COLEC12: variants seen among roughly 807,000 people sequenced by gnomAD.
COLEC12 encodes collectin-12.
In COLEC12, 33 loss-of-function variants were observed where a neutral mutation model predicts 71.1. The observed-to-expected ratio is 0.46, with a 90% confidence interval of 0.35 to 0.62. COLEC12 has a LOEUF of 0.62. Ranked by LOEUF, COLEC12 falls within the 20% of genes least tolerant of loss-of-function variation. The pLI, the probability that COLEC12 is intolerant of heterozygous loss-of-function variation, is 0.00. For missense variants in COLEC12, 765 were observed against 916.1 expected, an observed-to-expected ratio of 0.84 and a Z score of 2.13; for synonymous variants, 350 against 353.0, an observed-to-expected ratio of 0.99 and a Z score of 0.10.
chr18:359,575 G>A (rs1322628751), intron 2 of COLEC12, among the ~76,000 whole-genome samples: 2 of 152,198 alleles, frequency 1.3e-5, no homozygotes, highest in East Asian at 3.8e-4. Flanking sequence ...TCTTGTCTGA[G>A]TGGTCAACCA....
chr18:325,359 G>A (rs896228165), intron 8 of COLEC12, among the ~76,000 whole-genome samples: 1 of 152,096 alleles, frequency 6.6e-6, no homozygotes, highest in African/African-American at 2.4e-5. Context: ...CGTGGACAGA[G>A]GAACAGAAGA....
At chr18:446,899 A>G (rs1472914521) in intron 2 of COLEC12, among the ~76,000 whole-genome samples, 1 of 152,262 alleles carries the variant, frequency 6.6e-6, no homozygotes, top group Non-Finnish European at 1.5e-5. Flanking sequence ...ACATAAATAC[A>G]TCAACAGGCT....
At chr18:472,190 C>T (rs1217687232) in intron 2 of COLEC12, among the ~76,000 whole-genome samples, 1 of 152,166 alleles carries the variant, frequency 6.6e-6, no homozygotes, top group African/African-American at 2.4e-5. Flanking sequence ...TCGCCCAAGG[C>T]TACTCACTCG....
Position 408,125 on chromosome 18 carries a change from T to C in COLEC12, c.59-50603A>G, listed in dbSNP as rs1337779476. Among the ~76,000 whole-genome samples, 1 of 152,222 alleles carries C rather than the reference T, an allele frequency of 6.6e-6. No individual in the cohort carries two copies. Among genetic ancestry groups the C allele is most frequent in the Non-Finnish European group, 1.5e-5 (1 of 68,038 alleles). ...ATGCAAGAGGTTAAGTCAATTTCTTTGGTTTTCAGCATGGTGTGAGGACAG... is the reference window on the plus strand; with the variant it reads ...ATGCAAGAGGTTAAGTCAATTTCTTCGGTTTTCAGCATGGTGTGAGGACAG... On this transcript the variant is annotated intron_variant, in intron 2 of 9. Coordinates refer to ENST00000400256, the MANE Select transcript of COLEC12 (RefSeq NM_130386.3). This position sits in a 1 kb window ranked among gnomAD's most constrained non-coding sequence, Gnocchi z 4.3.
intron 5 of COLEC12, among the ~76,000 whole-genome samples, chr18:340,087 A>AAAAC (rs1555613054): frequency 4.6e-5 from 7 of 151,540 alleles, no homozygotes; most frequent in African/African-American, 1.7e-4. Flanking sequence ...AAAAAAAAAA[A>AAAAC]AAAACAAAAA....
intron 2 of COLEC12, among the ~76,000 whole-genome samples, chr18:382,719 T>C (rs974737750): frequency 2.0e-5 from 3 of 152,196 alleles, no homozygotes; most frequent in African/African-American, 4.8e-5. Flanking sequence ...GAATACAGTA[T>C]AGGTGGCACA....
chr18:357,636 C>T, intron 2 of COLEC12, 114 bp from the exon 3 acceptor site: 3 of 795,236 alleles, frequency 3.8e-6, no homozygotes, highest in South Asian at 2.2e-5. Context: ...AAATGCCTTA[C>T]TATACTATGA....
At chr18:432,271 T>A (rs1422821690) in intron 2 of COLEC12, among the ~76,000 whole-genome samples, 1 of 152,220 alleles carries the variant, frequency 6.6e-6, no homozygotes, top group African/African-American at 2.4e-5. Context: ...AGACCTACAT[T>A]AAAATATTTA....
rs144036836 is a variant in COLEC12, at chr18:462,796, C to T, written c.58+17911G>A. On this transcript the variant is annotated intron_variant, in intron 2 of 9. Coordinates refer to ENST00000400256, the MANE Select transcript of COLEC12 (RefSeq NM_130386.3). Reference sequence around the variant, plus strand: ...CTTGCCATTTTATCATGAGGTTGAGCATGTGACCACATGGATATGGATTTA... The same window carrying T: ...CTTGCCATTTTATCATGAGGTTGAGTATGTGACCACATGGATATGGATTTA... 2.0e-4 allele frequency among the ~76,000 whole-genome samples: 30 copies of T among 152,328 alleles called. 1 individual carries two copies. The East Asian group carries it at 4.6e-3, about 23-fold the overall frequency.
At chr18:423,944 C>CA (rs2143659728) in intron 2 of COLEC12, 1 of 152,276 alleles carries the variant, frequency 6.6e-6, no homozygotes, top group South Asian at 2.1e-4. Context: ...CCATCTCTCT[C>CA]ATCTCTCTCA....
At chr18:410,461 C>T (rs990888555) in intron 2 of COLEC12, among the ~76,000 whole-genome samples, 16 of 149,400 alleles carry the variant, frequency 1.1e-4, no homozygotes, top group African/African-American at 3.0e-4. Flanking sequence ...TTTTTTAAGA[C>T]GGAGTCCGCT....
Position 480,167 on chromosome 18 carries a change from C to CACCT in COLEC12, c.58+536_58+539dup. On this transcript the variant is annotated intron_variant, in intron 2 of 9. Transcript: ENST00000400256. The surrounding 1 kb of genome is among the most constrained non-coding windows in gnomAD (Gnocchi z 4.1). ...CATCTCAAGCTCTTCAACTTAATCA[C>CACCT]ACCTACAAAGTCCTTTGTGCCACAT... is the stretch of plus-strand genomic sequence containing the variant. Among the ~76,000 whole-genome samples the CACCT allele has an allele frequency of 6.6e-6, 1 of 152,290 alleles. No homozygotes were observed. Among genetic ancestry groups the CACCT allele is most frequent in the East Asian group, 1.9e-4 (1 of 5,174 alleles).
At chr18:374,134 G>A (rs1205766750) in intron 2 of COLEC12, among the ~76,000 whole-genome samples, 1 of 152,202 alleles carries the variant, frequency 6.6e-6, no homozygotes, top group East Asian at 1.9e-4. Context: ...AATACAGAGA[G>A]TGAATTCCTG....
At chr18:397,851 A>C (rs1915602963) in intron 2 of COLEC12, among the ~76,000 whole-genome samples, 2 of 152,228 alleles carry the variant, frequency 1.3e-5, no homozygotes, top group Non-Finnish European at 2.9e-5. Flanking sequence ...TTAGGGTTAA[A>C]ATCGTGTCAC....
Position 382,019 on chromosome 18 carries a change from T to C in COLEC12, c.59-24497A>G, listed in dbSNP as rs1344346866. Among the ~76,000 whole-genome samples the C allele has an allele frequency of 3.3e-5, 5 of 151,354 alleles. No homozygotes were observed. The East Asian group carries it at 9.7e-4, about 29-fold the overall frequency. On this transcript the variant is annotated intron_variant, in intron 2 of 9. Transcript: ENST00000400256. ...TTACAGACTTAAAAAAAAGACTTAC[T>C]GCAACCATGGGGGAGACAGAAGCAT... is the stretch of plus-strand genomic sequence containing the variant.
At chr18:357,960 T>C (rs2143502625) in intron 2 of COLEC12, among the ~76,000 whole-genome samples, 1 of 152,328 alleles carries the variant, frequency 6.6e-6, no homozygotes, top group East Asian at 1.9e-4. Flanking sequence ...ACCTGAGCTC[T>C]GTCTCCTGTC....
chr18:332,883 T>G, intron 7 of COLEC12, 124 bp downstream of exon 7: 1 of 817,812 alleles, frequency 1.2e-6, no homozygotes, highest in Non-Finnish European at 1.9e-6. Context: ...TCTGTAATGT[T>G]GCCTCCCATG....
rs145787441 is a variant in COLEC12, at chr18:339,915, T to C, written c.1328-4685A>G. ...AAAAAGTAGATTATTAATGCCAGGG[T>C]TGGTTTTCCTCTAGGACCCGGGATG... On this transcript the variant is annotated intron_variant, in intron 5 of 9. Coordinates refer to ENST00000400256, the MANE Select transcript of COLEC12 (RefSeq NM_130386.3). Among the ~76,000 whole-genome samples, 32 of 151,972 alleles carry C rather than the reference T, an allele frequency of 2.1e-4. 1 individual carries two copies. The East Asian group carries it at 6.2e-3, about 29-fold the overall frequency.
Position 460,141 on chromosome 18 carries a change from T to C in COLEC12, c.58+20566A>G, listed in dbSNP as rs199524738. Among the ~76,000 whole-genome samples, 8 of 152,314 alleles carry C rather than the reference T, an allele frequency of 5.3e-5. No homozygotes were observed. In the East Asian group the frequency reaches 1.5e-3, roughly 29 times the overall value. Reference sequence around the variant, plus strand: ...CACAGTAAAACAGTAAGAACGTTTTTGACAAGAGACTTCATTCAAACATAC... The same window carrying C: ...CACAGTAAAACAGTAAGAACGTTTTCGACAAGAGACTTCATTCAAACATAC... On this transcript the variant is annotated intron_variant, in intron 2 of 9. Coordinates refer to ENST00000400256, the MANE Select transcript of COLEC12 (RefSeq NM_130386.3).
Sources: gnomAD v4.1 joint callset for allele counts (sites outside exome capture counted in the v4.1 genomes callset) on GRCh38, gnomAD v4.1.1 for gene constraint, Gnocchi (gnomAD v3.1) non-coding constraint, MANE v1.5 for transcripts, NCBI Gene and HGNC (gene_info 2026-07-23, HGNC 2026-07-21) for gene names.